The following POLH variants were observed in gnomAD, a reference collection of about 807,000 sequenced individuals.
POLH encodes the protein DNA polymerase eta.
Under a neutral mutation model 73.6 loss-of-function variants are expected in POLH, and 53 were observed. The observed-to-expected ratio is 0.72, with a 90% confidence interval of 0.58 to 0.91. The LOEUF is 0.91. Ranked by LOEUF, POLH falls within the 40% of genes least tolerant of loss-of-function variation. POLH has a pLI of 0.00. For missense variants in POLH, 768 were observed against 865.4 expected, an observed-to-expected ratio of 0.89 and a Z score of 1.41; for synonymous variants, 292 against 308.5, an observed-to-expected ratio of 0.95 and a Z score of 0.56.
chr6:43,584,142 C>G (rs1300418189), intron 3 of POLH, among the ~76,000 whole-genome samples: 1 of 152,082 alleles, frequency 6.6e-6, no homozygotes, highest in Non-Finnish European at 1.5e-5. Flanking sequence ...GACCCTGTCT[C>G]AAGAAAGAGA....
In POLH at chr6:43,613,934, G is replaced by C; in HGVS notation, c.1519G>C (p.Ala507Pro). The C allele has an allele frequency of 1.2e-6, 2 of 1,613,890 alleles. No homozygotes were observed. The highest frequency in any genetic ancestry group is 1.7e-6 in the Non-Finnish European group (2 of 1,180,052). ...TTCATCTCTTACTGCTCCCACTCAG[G>C]CTCCCATGAGCAATTCACCATCCAA... is the stretch of plus-strand genomic sequence containing the variant. ...SLSSLTAPTQ[A>P]PMSNSPSKPS... The change falls in exon 11 of 11, where the codon GCT becomes CCT. Residue 507 changes from alanine (A) to proline (P), a missense_variant. Coordinates refer to ENST00000372236, the MANE Select transcript of POLH (RefSeq NM_006502.3).
chr6:43,576,472 G>C (rs9333501), intron 1 of POLH, 32 bp downstream of exon 1: 2,800 of 152,344 alleles, frequency 0.018, 35 homozygotes, highest in South Asian at 0.041. Flanking sequence ...CGCTGTCACT[G>C]TGTTCAGACT....
chr6:43,597,778 C>A lies in POLH; in HGVS notation c.573C>A (p.Thr191=), dbSNP rs369844648. The A allele has an allele frequency of 1.6e-5, 26 of 1,613,322 alleles. No individual in the cohort carries two copies. The highest frequency in any genetic ancestry group is 1.1e-4 in the African/African-American group (8 of 74,862). ...DNLTSPDLQL[T]VGAVIVEEMR... ...TCACCTCTCCAGACCTGCAGCTCACCGTGGGAGCAGTGATTGTGGAGGAAA... is the reference window on the plus strand; with the variant it reads ...TCACCTCTCCAGACCTGCAGCTCACAGTGGGAGCAGTGATTGTGGAGGAAA... Residue 191 remains threonine, a synonymous_variant, in exon 5 of 11, where the codon ACC becomes ACA. Coordinates refer to ENST00000372236, the MANE Select transcript of POLH (RefSeq NM_006502.3).
At chr6:43,588,307 C>G (rs1393219753) in intron 4 of POLH, 2 of 152,268 alleles carry the variant, frequency 1.3e-5, no homozygotes, top group African/African-American at 4.8e-5. Flanking sequence ...CACCTACCCT[C>G]TTGTACCCAC....
chr6:43,589,084 C>T (rs183118892), intron 4 of POLH, among the ~76,000 whole-genome samples: 87 of 150,060 alleles, frequency 5.8e-4, no homozygotes, highest in African/African-American at 1.9e-3. Flanking sequence ...GTGATCCGCC[C>T]GCCTCGGCCT....
rs1266562774 is a variant in POLH, at chr6:43,619,406, CT to C, written c.*4850del. On this transcript the variant is annotated 3_prime_UTR_variant, in exon 11 of 11. Coordinates refer to ENST00000372236, the MANE Select transcript of POLH (RefSeq NM_006502.3). ...AAAAAAAAAAAAAAGACTACATTCA[CT>C]GTATACGTGGCCTTTTCCCCCTAAC... 2.8e-5 allele frequency among the ~76,000 whole-genome samples: 4 copies of C among 143,556 alleles called. No individual in the cohort carries two copies. The East Asian group carries it at 8.9e-4, about 32-fold the overall frequency. 94.2% of individuals were successfully genotyped at this position (143,556 alleles called of 152,430 possible).
chr6:43,618,783 A>G lies in POLH; in HGVS notation c.*4226A>G, dbSNP rs1313808673. 6.6e-6 allele frequency among the ~76,000 whole-genome samples: 1 copy of G among 151,986 alleles called. No homozygotes were observed. Among genetic ancestry groups the G allele is most frequent in the Non-Finnish European group, 1.5e-5 (1 of 68,000 alleles). On this transcript the variant is annotated 3_prime_UTR_variant, in exon 11 of 11. Coordinates refer to ENST00000372236, the MANE Select transcript of POLH (RefSeq NM_006502.3). ...GTAGCTGGGATTATAGGCATGCACC[A>G]TCACGCCTGGCTAATTTTTGTATTT...
At chr6:43,582,886 A>G (rs1764441477) in intron 2 of POLH, 121 bp from the exon 3 acceptor site, 1 of 828,380 alleles carries the variant, frequency 1.2e-6, no homozygotes, top group Non-Finnish European at 2.0e-6. Flanking sequence ...TTTGGATTGA[A>G]TGATGGCATC....
chr6:43,593,918 T>G (rs1297537929), intron 4 of POLH, among the ~76,000 whole-genome samples: 2 of 151,882 alleles, frequency 1.3e-5, no homozygotes, highest in East Asian at 3.8e-4. Flanking sequence ...GAAAAGTTTT[T>G]TCTCAGCTTT....
Position 43,618,399 on chromosome 6 carries a change from G to A in POLH, c.*3842G>A, listed in dbSNP as rs963437814. 6.6e-6 allele frequency among the ~76,000 whole-genome samples: 1 copy of A among 151,892 alleles called. No individual in the cohort carries two copies. Among genetic ancestry groups the A allele is most frequent in the African/African-American group, 2.4e-5 (1 of 41,324 alleles). The stretch of plus-strand genomic sequence containing the variant: ...TCTATCTAGACCTCGTGATCCATCC[G>A]CCTCGGCCTCCCAAAGTGCTGGGAT... On this transcript the variant is annotated 3_prime_UTR_variant, in exon 11 of 11. Transcript: ENST00000372236.
intron 4 of POLH, chr6:43,591,033 A>T (rs1034974102): frequency 6.6e-6 from 1 of 152,174 alleles, no homozygotes; most frequent in Non-Finnish European, 1.5e-5. Flanking sequence ...GAGTAGTAGT[A>T]AAACTGCCCA....
At chr6:43,582,943 T>C in intron 2 of POLH, 64 bp from the exon 3 acceptor site, 1 of 1,375,392 alleles carries the variant, frequency 7.3e-7, no homozygotes, top group Non-Finnish European at 1.0e-6. Context: ...TTGTGTTAAA[T>C]GTTACTTGTT....
intron 3 of POLH, among the ~76,000 whole-genome samples, chr6:43,585,892 C>T (rs1764773369): frequency 6.6e-6 from 1 of 151,628 alleles, no homozygotes; most frequent in South Asian, 2.1e-4. Context: ...GATCCACCCA[C>T]CTCTGCCTCC....
chr6:43,619,216 A>C lies in POLH; in HGVS notation c.*4659A>C, dbSNP rs1768545805. The stretch of plus-strand genomic sequence containing the variant: ...ACATGGCAAAACAGTCTTTACAAAA[A>C]ATACAAAGATGGTGGCTTATGCCTG... On this transcript the variant is annotated 3_prime_UTR_variant, in exon 11 of 11. Coordinates refer to ENST00000372236, the MANE Select transcript of POLH (RefSeq NM_006502.3). 1.3e-5 allele frequency among the ~76,000 whole-genome samples: 2 copies of C among 151,952 alleles called. No homozygotes were observed. The highest frequency in any genetic ancestry group is 4.8e-5 in the African/African-American group (2 of 41,362).
chr6:43,578,959 G>A (rs1763705654), intron 1 of POLH, among the ~76,000 whole-genome samples: 2 of 152,118 alleles, frequency 1.3e-5, no homozygotes. Context: ...GTTCTTTTAA[G>A]GATAAGTATT....
Position 43,616,149 on chromosome 6 carries a change from A to G in POLH, c.*1592A>G, listed in dbSNP as rs944175217. On this transcript the variant is annotated 3_prime_UTR_variant, in exon 11 of 11. Transcript: ENST00000372236. ...AAAAAAATTAGCCGGGTGCGGTGGC[A>G]GGCGCCTGTAGTCCCAGCTACTCGG... Among the ~76,000 whole-genome samples, 2 of 151,800 alleles carry G rather than the reference A, an allele frequency of 1.3e-5. No homozygotes were observed. Among genetic ancestry groups the G allele is most frequent in the Admixed American group, 6.6e-5 (1 of 15,240 alleles).
At chr6:43,587,861 T>C (rs1238873295) in intron 4 of POLH, among the ~76,000 whole-genome samples, 2 of 152,150 alleles carry the variant, frequency 1.3e-5, no homozygotes, top group Admixed American at 1.3e-4. Context: ...ACCCCATCTC[T>C]ACTAAAAATA....
Position 43,576,241 on chromosome 6 carries a change from G to A in POLH, c.-204G>A, listed in dbSNP as rs961812368. 1 of 177,850 alleles carries A rather than the reference G, an allele frequency of 5.6e-6. No individual in the cohort carries two copies. The highest frequency in any genetic ancestry group is 2.4e-5 in the African/African-American group (1 of 42,304). 11.0% of individuals were successfully genotyped at this position (177,850 alleles called of 1,614,324 possible). A position where few individuals can be genotyped will look rare whatever the true frequency, so the allele number is the denominator to read the frequency against. ...TCTCGTCTGATCCCTGCTGGGGACG[G>A]TTGCCCGGGCAGGATCCTTTACGAT... is the stretch of plus-strand genomic sequence containing the variant. On this transcript the variant is annotated 5_prime_UTR_variant, in exon 1 of 11. Transcript: ENST00000372236.
At chr6:43,582,253 C>T in intron 1 of POLH, 63 bp from the exon 2 acceptor site, 1 of 1,467,888 alleles carries the variant, frequency 6.8e-7, no homozygotes. Flanking sequence ...AATGGAATTA[C>T]AGTTTTCCCT....
Sources: gnomAD v4.1 joint callset for allele counts (sites outside exome capture counted in the v4.1 genomes callset) on GRCh38, gnomAD v4.1.1 for gene constraint, MANE v1.5 for transcripts, NCBI Gene and HGNC (gene_info 2026-07-23, HGNC 2026-07-21) for gene names.